The following AGL variants were observed in gnomAD, a reference collection of about 807,000 sequenced individuals.
The protein encoded by AGL is amylo-alpha-1,6-glucosidase and 4-alpha-glucanotransferase, also known as glycogen debranching enzyme.
AGL carries 128 observed loss-of-function variants against 199.3 expected under a neutral mutation model. That is an observed-to-expected ratio of 0.64 (90% CI 0.56 to 0.74). The LOEUF is 0.74. Ranked by LOEUF, AGL falls within the 30% of genes least tolerant of loss-of-function variation. The pLI is 0.00. For missense variants in AGL, 1,809 were observed against 1,820.8 expected, an observed-to-expected ratio of 0.99 and a Z score of 0.12; for synonymous variants, 584 against 594.7, an observed-to-expected ratio of 0.98 and a Z score of 0.26.
Position 99,912,514 on chromosome 1 carries a change from C to T in AGL, c.3946C>T (p.His1316Tyr). Residue 1316 changes from histidine (H) to tyrosine (Y), a missense_variant, in exon 29 of 34, where the codon CAT becomes TAT. By Grantham distance (83) the His-to-Tyr change is moderately conservative. Coordinates refer to ENST00000361915, the MANE Select transcript of AGL (RefSeq NM_000642.3). ...FPYHEVTVKR[H>Y]GKAIKVSYDE... Reference sequence around the variant, plus strand: ...TTATCATGAAGTCACAGTAAAAAGACATGGTAAGCTGGTTATTTTATTTAC... The same window carrying T: ...TTATCATGAAGTCACAGTAAAAAGATATGGTAAGCTGGTTATTTTATTTAC... 6.2e-7 allele frequency: 1 copy of T among 1,600,506 alleles called. No individual in the cohort carries two copies. The highest frequency in any genetic ancestry group is 8.6e-7 in the Non-Finnish European group (1 of 1,167,962).
chr1:99,908,291 A>G (rs1199273183), intron 27 of AGL, among the ~76,000 whole-genome samples: 2 of 151,896 alleles, frequency 1.3e-5, no homozygotes, highest in African/African-American at 4.8e-5. Context: ...TCCCCAATGA[A>G]TGGTCTTGGC....
At chr1:99,858,835 A>T (rs867751264) in intron 2 of AGL, among the ~76,000 whole-genome samples, 2 of 151,788 alleles carry the variant, frequency 1.3e-5, no homozygotes, top group African/African-American at 4.8e-5. Context: ...TTATTTAAAT[A>T]TTATTTATTT....
Position 99,861,642 on chromosome 1 carries a change from A to T in AGL, c.222A>T (p.Glu74Asp), listed in dbSNP as rs1264891129. 4 of 1,613,560 alleles carry T rather than the reference A, an allele frequency of 2.5e-6. No individual in the cohort carries two copies. In the Admixed American group the frequency reaches 6.7e-5, roughly 27 times the overall value. The change falls in exon 3 of 34, where the codon GAA (glutamate) becomes GAT (aspartate). Residue 74 changes from glutamate to aspartate, a missense_variant. Transcript: ENST00000361915. The stretch of plus-strand genomic sequence containing the variant: ...ATTGGGAAAATCCAACAGAAAGAGA[A>T]GATGATTCTGATAAATACTGTAAAC... ...SLDWENPTER[E>D]DDSDKYCKLN...
chr1:99,871,136 C>T (rs1650967244), intron 7 of AGL, among the ~76,000 whole-genome samples: 1 of 151,998 alleles, frequency 6.6e-6, no homozygotes, highest in South Asian at 2.1e-4. Flanking sequence ...TTGTGGAACC[C>T]AGTATATAGT....
chr1:99,902,184 T>C (rs1653895875), intron 26 of AGL, among the ~76,000 whole-genome samples: 1 of 152,156 alleles, frequency 6.6e-6, no homozygotes, highest in Admixed American at 6.5e-5. Context: ...GAGTATCACA[T>C]TTATTATTTA....
At chr1:99,857,932 A>G (rs1324510892) in intron 2 of AGL, among the ~76,000 whole-genome samples, 1 of 152,102 alleles carries the variant, frequency 6.6e-6, no homozygotes, top group Non-Finnish European at 1.5e-5. Flanking sequence ...ACATTGAATT[A>G]CGTTAATATA....
intron 5 of AGL, among the ~76,000 whole-genome samples, chr1:99,866,306 C>A (rs924901387): frequency 2.6e-5 from 4 of 152,150 alleles, no homozygotes; most frequent in African/African-American, 9.7e-5. Flanking sequence ...TTATTTCTTA[C>A]AAAAGATTAG....
chr1:99,892,805 T>A (rs1462062616), intron 24 of AGL, among the ~76,000 whole-genome samples, 198 bp downstream of exon 24: 3 of 147,566 alleles, frequency 2.0e-5, no homozygotes, highest in Non-Finnish European at 3.0e-5. Context: ...ACCAGGCATT[T>A]ATGTGTGTTT....
intron 13 of AGL, among the ~76,000 whole-genome samples, 190 bp downstream of exon 13, chr1:99,880,236 A>G (rs1189222180): frequency 6.6e-6 from 1 of 152,194 alleles, no homozygotes; most frequent in East Asian, 1.9e-4. Flanking sequence ...CTTTGGGGTA[A>G]GATACCTCAT....
intron 20 of AGL, among the ~76,000 whole-genome samples, chr1:99,885,314 C>T (rs1267291805): frequency 6.6e-6 from 1 of 152,132 alleles, no homozygotes; most frequent in African/African-American, 2.4e-5. Flanking sequence ...CTCAGTCTCC[C>T]ATCTGGAAAA....
In AGL at chr1:99,923,897, T is replaced by C. The variant is rs538147219; in HGVS notation, c.*2246T>C. ...TTGGGAAAACATGAGACTGGTCATA[T>C]TGATGAATATTGTAACATGTGAATT... On this transcript the variant is annotated 3_prime_UTR_variant, in exon 34 of 34. Transcript: ENST00000361915. The C allele has an allele frequency of 1.3e-5, 2 of 152,304 alleles. No individual in the cohort carries two copies. Among genetic ancestry groups the C allele is most frequent in the East Asian group, 3.9e-4 (2 of 5,186 alleles). The allele number at this position is 152,304 out of a possible 1,614,324, so 9.4% of individuals were successfully genotyped here.
chr1:99,903,233 C>T (rs374439141), intron 27 of AGL, among the ~76,000 whole-genome samples: 3 of 152,220 alleles, frequency 2.0e-5, no homozygotes, highest in South Asian at 4.1e-4. Flanking sequence ...GTGTGCTGCA[C>T]CCATTAACTC....
Position 99,856,413 on chromosome 1 carries a change from T to TC in AGL, c.83-5089dup, listed in dbSNP as rs1299591834. ...CTCCCTCCTTCCTTCTTTCCTTCCT[T>TC]CTTCCCTTTCTTTTCTTTTCTTGTA... On this transcript the variant is annotated intron_variant, in intron 2 of 33. Transcript: ENST00000361915. Among the ~76,000 whole-genome samples, 45 of 147,706 alleles carry TC rather than the reference T, an allele frequency of 3.0e-4. 1 individual carries two copies. The East Asian group carries it at 8.3e-3, about 27-fold the overall frequency.
intron 30 of AGL, 151 bp downstream of exon 30, chr1:99,913,889 A>T: frequency 1.3e-6 from 1 of 783,264 alleles, no homozygotes; most frequent in Non-Finnish European, 2.1e-6. Flanking sequence ...TAATTAATCA[A>T]GTATTATGCG....
chr1:99,851,261 T>G, intron 2 of AGL, 137 bp downstream of exon 2: 1 of 778,496 alleles, frequency 1.3e-6, no homozygotes, highest in Non-Finnish European at 2.3e-6. Context: ...GCAAAGATGG[T>G]GCTGTGTTCT....
chr1:99,881,058 G>A lies in AGL; in HGVS notation c.1900-18G>A. The A allele has an allele frequency of 1.3e-6, 2 of 1,593,932 alleles. No homozygotes were observed. Among genetic ancestry groups the A allele is most frequent in the South Asian group, 2.2e-5 (2 of 90,664 alleles). On this transcript the variant is annotated intron_variant, in intron 14 of 33. Transcript: ENST00000361915. Reference sequence around the variant, plus strand: ...TTGAAAGAAAGCAAACTTTTGCTTTGTTGTTGTTGTCTTCTAGCATAGATC... The same window carrying A: ...TTGAAAGAAAGCAAACTTTTGCTTTATTGTTGTTGTCTTCTAGCATAGATC...
At chr1:99,874,883 C>T in intron 8 of AGL, 73 bp downstream of exon 8, 1 of 1,522,514 alleles carries the variant, frequency 6.6e-7, no homozygotes, top group Non-Finnish European at 9.1e-7. Flanking sequence ...GATTTTCATA[C>T]TACTTATTAA....
At chr1:99,913,320 C>A (rs1427797140) in intron 29 of AGL, among the ~76,000 whole-genome samples, 6 of 152,014 alleles carry the variant, frequency 3.9e-5, no homozygotes, top group Non-Finnish European at 7.4e-5. Context: ...ATTTTACATT[C>A]TTTTTGGGTG....
intron 2 of AGL, among the ~76,000 whole-genome samples, chr1:99,856,659 C>T (rs760133648): frequency 3.3e-5 from 5 of 151,956 alleles, no homozygotes; most frequent in African/African-American, 4.8e-5. Flanking sequence ...AGGGAGCATG[C>T]TGCCTCCAAG....
Sources: allele counts gnomAD v4.1 joint callset (sites outside exome capture counted in the v4.1 genomes callset), GRCh38; gene constraint gnomAD v4.1.1; transcripts MANE v1.5; gene names NCBI Gene and HGNC (gene_info 2026-07-23, HGNC 2026-07-21).